DLGAP1: variants seen among roughly 807,000 people sequenced by gnomAD.
The protein encoded by DLGAP1 is disks large-associated protein 1.
A neutral mutation model predicts 90.8 loss-of-function variants in DLGAP1; 11 were observed. The observed-to-expected ratio is 0.12, with a 90% confidence interval of 0.08 to 0.20. DLGAP1 has a LOEUF of 0.20. Among genes scored for constraint, DLGAP1 ranks in the 10% least tolerant of loss-of-function variants. The pLI, the probability that DLGAP1 is intolerant of heterozygous loss-of-function variation, is 1.00. For synonymous variants in DLGAP1, 558 were observed against 540.7 expected (o/e 1.03, Z -0.44); for missense variants, 1,050 against 1,333.8 (o/e 0.79, Z 3.31).
At chr18:4,447,777 C>T (rs1567931883) in intron 1 of DLGAP1, among the ~76,000 whole-genome samples, 1 of 152,138 alleles carries the variant, frequency 6.6e-6, no homozygotes, top group Non-Finnish European at 1.5e-5. Context: ...TTCTACTTCC[C>T]TGGACTTGAT....
At chr18:4,374,063 A>G (rs2081969268) in intron 1 of DLGAP1, among the ~76,000 whole-genome samples, 1 of 152,120 alleles carries the variant, frequency 6.6e-6, no homozygotes, top group African/African-American at 2.4e-5. Context: ...TTCTGGGAAA[A>G]CTAATCACAG....
intron 7 of DLGAP1, among the ~76,000 whole-genome samples, chr18:3,655,347 G>A (rs147990918): frequency 2.0e-5 from 3 of 152,078 alleles, no homozygotes; most frequent in African/African-American, 7.2e-5. Context: ...ACTCCTATGG[G>A]GCTAAGGAGA....
chr18:4,210,422 T>C (rs2077817694), intron 1 of DLGAP1, among the ~76,000 whole-genome samples: 1 of 152,208 alleles, frequency 6.6e-6, no homozygotes. Flanking sequence ...TATCTTTTTG[T>C]TGATTGGGAC....
intron 4 of DLGAP1, among the ~76,000 whole-genome samples, chr18:3,815,804 C>T (rs138810599): frequency 4.0e-4 from 61 of 152,064 alleles, no homozygotes; most frequent in South Asian, 3.7e-3. Flanking sequence ...TAAGAAGTAA[C>T]ATAGCAAACA....
At chr18:3,896,008 G>A (rs987552746) in intron 3 of DLGAP1, 1 of 152,200 alleles carries the variant, frequency 6.6e-6, no homozygotes, top group African/African-American at 2.4e-5. Flanking sequence ...CACTCGGTAA[G>A]CTACAGAATT....
chr18:4,437,441 G>A (rs564810744), intron 1 of DLGAP1, among the ~76,000 whole-genome samples: 38 of 152,122 alleles, frequency 2.5e-4, no homozygotes, highest in Non-Finnish European at 5.0e-4. Context: ...GGTATAAAAT[G>A]GTATGGTATT....
intron 1 of DLGAP1, among the ~76,000 whole-genome samples, chr18:4,340,317 C>G (rs185746114): frequency 2.8e-3 from 432 of 152,190 alleles, no homozygotes; most frequent in African/African-American, 0.01. Flanking sequence ...GAGGATGATT[C>G]ACATCCCAGA....
At position 3,729,331 on chromosome 18, in the gene DLGAP1, C is replaced by T. The variant is rs1194949494; in HGVS notation, c.1395G>A (p.Glu465=). 6.2e-7 allele frequency: 1 copy of T among 1,613,896 alleles called. No homozygotes were observed. The highest frequency in any genetic ancestry group is 1.3e-5 in the African/African-American group (1 of 74,938). The change falls in exon 7 of 13, where the codon GAG becomes GAA. Residue 465 remains glutamate (E), a synonymous_variant. Coordinates refer to ENST00000315677, the MANE Select transcript of DLGAP1 (RefSeq NM_004746.4). The surrounding 1 kb of genome is among the most constrained non-coding windows in gnomAD (Gnocchi z 6.2). The part of the protein sequence containing the change: ...EVNGQFESVC[E]SVFSELESQA... The stretch of plus-strand genomic sequence containing the variant: ...GCGACTCCAGCTCGCTGAACACGGA[C>T]TCGCACACGGACTCGAACTGCCCGT...
chr18:3,519,863 G>A (rs1439497739), intron 10 of DLGAP1, among the ~76,000 whole-genome samples: 1 of 152,108 alleles, frequency 6.6e-6, no homozygotes, highest in Non-Finnish European at 1.5e-5. Context: ...CTAGAGTAAT[G>A]AGAAGTAAAT....
At chr18:3,897,860 T>C (rs186345871) in intron 3 of DLGAP1, among the ~76,000 whole-genome samples, 4,481 of 138,828 alleles carry the variant, frequency 0.032, 98 homozygotes, top group Non-Finnish European at 0.047. Context: ...AGTGGCGCAA[T>C]CTCGGCTCAC....
At chr18:4,164,914 G>A (rs1347049475) in intron 1 of DLGAP1, among the ~76,000 whole-genome samples, 1 of 152,124 alleles carries the variant, frequency 6.6e-6, no homozygotes, top group Non-Finnish European at 1.5e-5. Context: ...CAGAATCGAT[G>A]AACCTAAGGA....
At chr18:3,859,406 C>T (rs532589750) in intron 4 of DLGAP1, among the ~76,000 whole-genome samples, 3 of 152,176 alleles carry the variant, frequency 2.0e-5, no homozygotes, top group African/African-American at 7.2e-5. Context: ...AGGCAGATTA[C>T]GGACTCCCCA....
At chr18:3,563,349 C>A (rs1447648615) in intron 9 of DLGAP1, among the ~76,000 whole-genome samples, 1 of 152,106 alleles carries the variant, frequency 6.6e-6, no homozygotes, top group African/African-American at 2.4e-5. Flanking sequence ...ATTATTGCTT[C>A]TAATATTGCT....
At chr18:3,780,359 A>G (rs1413096232) in intron 5 of DLGAP1, among the ~76,000 whole-genome samples, 1 of 152,190 alleles carries the variant, frequency 6.6e-6, no homozygotes, top group Non-Finnish European at 1.5e-5. Flanking sequence ...AATGGGTCTC[A>G]TTGGCTGAAA....
At chr18:4,371,640 G>T (rs1485638514) in intron 1 of DLGAP1, among the ~76,000 whole-genome samples, 1 of 152,150 alleles carries the variant, frequency 6.6e-6, no homozygotes, top group Admixed American at 6.5e-5. Flanking sequence ...TGGGCTTTAT[G>T]TATCTAAGTC....
intron 3 of DLGAP1, among the ~76,000 whole-genome samples, chr18:3,892,339 G>C (rs1461327509): frequency 6.6e-6 from 1 of 152,088 alleles, no homozygotes; most frequent in East Asian, 1.9e-4. Flanking sequence ...CTGCCAGACA[G>C]CCCTGTCTCC....
At chr18:3,545,490 G>A (rs2052959474) in intron 9 of DLGAP1, among the ~76,000 whole-genome samples, 1 of 152,034 alleles carries the variant, frequency 6.6e-6, no homozygotes, top group Non-Finnish European at 1.5e-5. Flanking sequence ...CAATTTAAAG[G>A]AAGAGGTTGT....
At chr18:3,977,894 C>G (rs1218960151) in intron 3 of DLGAP1, 3 of 369,438 alleles carry the variant, frequency 8.1e-6, no homozygotes, top group East Asian at 8.1e-5. Flanking sequence ...TCATATCTGG[C>G]AGGTCAGGTC....
intron 4 of DLGAP1, among the ~76,000 whole-genome samples, chr18:3,872,120 C>G (rs887348710): frequency 1.8e-4 from 25 of 142,682 alleles, no homozygotes; most frequent in Non-Finnish European, 4.5e-5. Context: ...TAGACTTTAG[C>G]AAATGAAACA....
Sources: allele counts gnomAD v4.1 joint callset (sites outside exome capture counted in the v4.1 genomes callset), GRCh38; gene constraint gnomAD v4.1.1; non-coding constraint Gnocchi (gnomAD v3.1); transcripts MANE v1.5; gene names NCBI Gene and HGNC (gene_info 2026-07-23, HGNC 2026-07-21).